NOS1AP: variants seen among roughly 807,000 people sequenced by gnomAD.
NOS1AP encodes carboxyl-terminal PDZ ligand of neuronal nitric oxide synthase protein.
Under a neutral mutation model 56.2 loss-of-function variants are expected in NOS1AP, and 21 were observed. The ratio of observed to expected loss-of-function variants is 0.37; its 90% CI spans 0.26 to 0.54. The LOEUF (loss-of-function observed/expected upper bound fraction) is 0.54, where lower values mean the gene tolerates loss of function less well. Among genes scored for constraint, NOS1AP ranks in the 20% least tolerant of loss-of-function variants. NOS1AP has a pLI of 0.84. For synonymous variants in NOS1AP, 270 were observed against 274.6 expected (o/e 0.98, Z 0.17); for missense variants, 522 against 657.8 (o/e 0.79, Z 2.26).
intron 2 of NOS1AP, among the ~76,000 whole-genome samples, chr1:162,222,663 G>C (rs1321370341): frequency 6.6e-6 from 1 of 152,318 alleles, no homozygotes; most frequent in Middle Eastern, 3.4e-3. Context: ...CCCACACACA[G>C]GTGGCCTGTT....
intron 2 of NOS1AP, among the ~76,000 whole-genome samples, chr1:162,215,306 C>T (rs899056996): frequency 6.6e-6 from 1 of 152,252 alleles, no homozygotes; most frequent in African/African-American, 2.4e-5. Flanking sequence ...CACTCGACTG[C>T]GGTCATGCCA....
intron 1 of NOS1AP, among the ~76,000 whole-genome samples, chr1:162,108,179 G>C (rs1647582768): frequency 6.6e-6 from 1 of 152,144 alleles, no homozygotes; most frequent in Non-Finnish European, 1.5e-5. Flanking sequence ...AACAATGGCT[G>C]CTTTCAGATT....
At chr1:162,322,053 T>C (rs1656440343) in intron 4 of NOS1AP, among the ~76,000 whole-genome samples, 1 of 152,064 alleles carries the variant, frequency 6.6e-6, no homozygotes, top group Admixed American at 6.5e-5. Context: ...ACCCCCTGCA[T>C]CTAAAATAAT....
chr1:162,231,588 T>C (rs1171300601), intron 2 of NOS1AP, among the ~76,000 whole-genome samples: 2 of 152,194 alleles, frequency 1.3e-5, no homozygotes, highest in African/African-American at 4.8e-5. Flanking sequence ...ATACAATTAT[T>C]GATATTTTAT....
intron 2 of NOS1AP, among the ~76,000 whole-genome samples, chr1:162,199,526 CAAGAA>C (rs1651915828): frequency 6.6e-6 from 1 of 151,644 alleles, no homozygotes; most frequent in African/African-American, 2.4e-5. Flanking sequence ...GTGGTTTGCA[CAAGAA>C]AAGTCTAGAG....
intron 4 of NOS1AP, among the ~76,000 whole-genome samples, chr1:162,315,144 A>AG (rs1656190650): frequency 6.6e-6 from 1 of 152,230 alleles, no homozygotes; most frequent in Non-Finnish European, 1.5e-5. Flanking sequence ...ATGTTGGCCT[A>AG]GGGCCTGGGT....
At chr1:162,321,995 A>C (rs1025241572) in intron 4 of NOS1AP, among the ~76,000 whole-genome samples, 7 of 152,188 alleles carry the variant, frequency 4.6e-5, no homozygotes, top group African/African-American at 1.4e-4. Flanking sequence ...AAAGAAGCCC[A>C]AACTCCAGCC....
Position 162,260,684 on chromosome 1 carries a change from C to T in NOS1AP, c.178-26660C>T, listed in dbSNP as rs553311133. 3.0e-4 allele frequency among the ~76,000 whole-genome samples: 45 copies of T among 152,288 alleles called. 1 individual carries two copies. The South Asian group carries it at 8.9e-3, about 30-fold the overall frequency. Reference sequence around the variant, plus strand: ...AAAGAGGTTGTCTGGAAAGGCTAAACTCTTAGTGATCACACCCACCTTTTT... The same window carrying T: ...AAAGAGGTTGTCTGGAAAGGCTAAATTCTTAGTGATCACACCCACCTTTTT... On this transcript the variant is annotated intron_variant, in intron 2 of 9. Coordinates refer to ENST00000361897, the MANE Select transcript of NOS1AP (RefSeq NM_014697.3).
At chr1:162,281,368 C>G (rs1307982568) in intron 2 of NOS1AP, among the ~76,000 whole-genome samples, 1 of 150,660 alleles carries the variant, frequency 6.6e-6, no homozygotes, top group Non-Finnish European at 1.5e-5. Flanking sequence ...CATTTATCAC[C>G]CTCCTATGTC....
intron 2 of NOS1AP, among the ~76,000 whole-genome samples, chr1:162,181,924 T>A (rs1044346384): frequency 1.3e-5 from 2 of 152,236 alleles, no homozygotes; most frequent in Non-Finnish European, 2.9e-5. Flanking sequence ...AGGCCAGCTT[T>A]ATGAAGGACT....
At chr1:162,162,306 T>C (rs1281462219) in intron 2 of NOS1AP, among the ~76,000 whole-genome samples, 1 of 152,206 alleles carries the variant, frequency 6.6e-6, no homozygotes, top group Non-Finnish European at 1.5e-5. Context: ...TGCACAGTCA[T>C]GAGTTATGAA....
At chr1:162,163,126 T>C (rs1318686459) in intron 2 of NOS1AP, among the ~76,000 whole-genome samples, 1 of 152,232 alleles carries the variant, frequency 6.6e-6, no homozygotes, top group Non-Finnish European at 1.5e-5. Context: ...TTGGGACATG[T>C]ATCAGTACTT....
Position 162,194,892 on chromosome 1 carries a change from A to C in NOS1AP, c.177+40416A>C, listed in dbSNP as rs569757604. Among the ~76,000 whole-genome samples, 3 of 152,264 alleles carry C rather than the reference A, an allele frequency of 2.0e-5. No homozygotes were observed. In the East Asian group the frequency reaches 5.8e-4, roughly 29 times the overall value. ...AAAAAGTGACCTTGCAGGAGCTAGA[A>C]TTTTATATCCAGCATTATTTTGGAG... is the stretch of plus-strand genomic sequence containing the variant. On this transcript the variant is annotated intron_variant, in intron 2 of 9. Coordinates refer to ENST00000361897, the MANE Select transcript of NOS1AP (RefSeq NM_014697.3).
At chr1:162,100,826 C>G (rs1692377365) in intron 1 of NOS1AP, among the ~76,000 whole-genome samples, 1 of 152,084 alleles carries the variant, frequency 6.6e-6, no homozygotes, top group Non-Finnish European at 1.5e-5. Flanking sequence ...CTCATAGACT[C>G]TGGATATTAG....
chr1:162,178,249 A>G (rs1231603836), intron 2 of NOS1AP, among the ~76,000 whole-genome samples: 1 of 152,144 alleles, frequency 6.6e-6, no homozygotes, highest in Non-Finnish European at 1.5e-5. Context: ...TCATTCACCT[A>G]CTGAAGGACA....
intron 4 of NOS1AP, among the ~76,000 whole-genome samples, chr1:162,303,904 C>CTT (rs35658165): frequency 3.3e-4 from 37 of 110,664 alleles, no homozygotes; most frequent in African/African-American, 4.2e-4. Context: ...TCTGGCTTGT[C>CTT]TTTTTTTTTT....
chr1:162,271,920 CTG>C (rs1654592564), intron 2 of NOS1AP, among the ~76,000 whole-genome samples: 1 of 152,194 alleles, frequency 6.6e-6, no homozygotes, highest in Non-Finnish European at 1.5e-5. Flanking sequence ...TGGTCTCACT[CTG>C]TCACCCAGGC....
chr1:162,244,783 T>C (rs1364427979), intron 2 of NOS1AP, among the ~76,000 whole-genome samples: 1 of 152,100 alleles, frequency 6.6e-6, no homozygotes, highest in African/African-American at 2.4e-5. Flanking sequence ...CAAACAAAAA[T>C]TTTTTTAGAT....
intron 4 of NOS1AP, among the ~76,000 whole-genome samples, chr1:162,306,631 C>T (rs1178660530): frequency 6.6e-6 from 1 of 152,134 alleles, no homozygotes; most frequent in Non-Finnish European, 1.5e-5. Context: ...TTGCTAAGTG[C>T]AGCTTTAATA....
Sources: gnomAD v4.1 joint callset for allele counts (sites outside exome capture counted in the v4.1 genomes callset) on GRCh38, gnomAD v4.1.1 for gene constraint, MANE v1.5 for transcripts, NCBI Gene and HGNC (gene_info 2026-07-23, HGNC 2026-07-21) for gene names.